The following ERGIC2 variants were observed in gnomAD, a reference collection of about 807,000 sequenced individuals.
ERGIC2 encodes endoplasmic reticulum-Golgi intermediate compartment protein 2.
In ERGIC2, 31 loss-of-function variants were observed where a neutral mutation model predicts 52.5. That is an observed-to-expected ratio of 0.59 (90% CI 0.44 to 0.80). The LOEUF is 0.80. Ranked by LOEUF, ERGIC2 falls within the 30% of genes least tolerant of loss-of-function variation. The pLI, the probability that ERGIC2 is intolerant of heterozygous loss-of-function variation, is 0.00. For missense variants in ERGIC2, 395 were observed against 455.2 expected (o/e 0.87, Z 1.20); for synonymous variants, 129 against 140.6 (o/e 0.92, Z 0.58).
At chr12:29,350,221 C>T (rs1940113267) in intron 8 of ERGIC2, among the ~76,000 whole-genome samples, 153 bp from the exon 9 acceptor site, 1 of 152,084 alleles carries the variant, frequency 6.6e-6, no homozygotes, top group Non-Finnish European at 1.5e-5. Flanking sequence ...GACAAGTCTA[C>T]TCATCTCAGC....
chr12:29,350,115 T>C (rs1940111693), intron 8 of ERGIC2, 47 bp from the exon 9 acceptor site: 1 of 1,093,008 alleles, frequency 9.1e-7, no homozygotes, highest in Non-Finnish European at 1.4e-6. Flanking sequence ...TTTATATGTA[T>C]AATTAATTAA....
At chr12:29,356,268 C>A (rs778225076) in intron 8 of ERGIC2, 114 bp downstream of exon 8, 11 of 615,186 alleles carry the variant, frequency 1.8e-5, no homozygotes, top group Non-Finnish European at 2.7e-5. Context: ...GGTGATCCAC[C>A]CGCCTCAGCC....
intron 1 of ERGIC2, chr12:29,380,530 C>T (rs1940573689): frequency 6.6e-6 from 1 of 152,200 alleles, no homozygotes; most frequent in Non-Finnish European, 1.5e-5. Flanking sequence ...GACACGTTGC[C>T]TTCGGAAGGT....
chr12:29,359,078 A>T (rs992384025), intron 6 of ERGIC2, among the ~76,000 whole-genome samples: 1 of 152,104 alleles, frequency 6.6e-6, no homozygotes, highest in Non-Finnish European at 1.5e-5. Context: ...TTCTAGAAGT[A>T]AAGAACATTT....
intron 4 of ERGIC2, 99 bp from the exon 5 acceptor site, chr12:29,367,046 GCA>G: frequency 1.1e-5 from 3 of 269,850 alleles, no homozygotes; most frequent in Non-Finnish European, 1.9e-5. Flanking sequence ...AACTCACCAA[GCA>G]AAAAAAAAAA....
At chr12:29,365,393 G>A (rs1465609269) in intron 5 of ERGIC2, among the ~76,000 whole-genome samples, 3 of 151,994 alleles carry the variant, frequency 2.0e-5, no homozygotes, top group African/African-American at 7.2e-5. Context: ...TTTATAAGTG[G>A]GAGCTAAACG....
chr12:29,377,144 T>C (rs149063552), intron 1 of ERGIC2, among the ~76,000 whole-genome samples: 5 of 152,320 alleles, frequency 3.3e-5, no homozygotes, highest in Admixed American at 6.5e-5. Context: ...TTACACAAGA[T>C]TCCTTTGCCC....
chr12:29,345,724 G>A (rs976757544), intron 10 of ERGIC2, among the ~76,000 whole-genome samples, 184 bp from the exon 11 acceptor site: 7 of 152,056 alleles, frequency 4.6e-5, no homozygotes, highest in Non-Finnish European at 7.4e-5. Flanking sequence ...GAACAGTCTC[G>A]AACTTGAGTC....
At chr12:29,380,154 T>C (rs1220401944) in intron 1 of ERGIC2, among the ~76,000 whole-genome samples, 1 of 152,014 alleles carries the variant, frequency 6.6e-6, no homozygotes, top group African/African-American at 2.4e-5. Context: ...TGTTTTCCAC[T>C]AGAACTGGCA....
chr12:29,349,245 T>C, intron 9 of ERGIC2, 68 bp from the exon 10 acceptor site: 5 of 682,244 alleles, frequency 7.3e-6, no homozygotes, highest in Non-Finnish European at 1.2e-5. Flanking sequence ...TGGTACAGAC[T>C]GGTTTACATC....
At chr12:29,358,761 A>G (rs1940243487) in intron 6 of ERGIC2, among the ~76,000 whole-genome samples, 1 of 152,158 alleles carries the variant, frequency 6.6e-6, no homozygotes, top group Non-Finnish European at 1.5e-5. Context: ...TGAATCTCAT[A>G]ATACTTTACC....
intron 5 of ERGIC2, among the ~76,000 whole-genome samples, chr12:29,362,270 T>A (rs1269398923): frequency 6.6e-6 from 1 of 152,104 alleles, no homozygotes; most frequent in Non-Finnish European, 1.5e-5. Context: ...CACAATTTAA[T>A]TTTGCAACAA....
chr12:29,379,851 A>G (rs914109527), intron 1 of ERGIC2, among the ~76,000 whole-genome samples: 1 of 141,398 alleles, frequency 7.1e-6, no homozygotes, highest in Non-Finnish European at 1.5e-5. Flanking sequence ...TCTGGTAAAG[A>G]AAAAAAAAAT....
chr12:29,364,817 A>G (rs1400988660), intron 5 of ERGIC2, among the ~76,000 whole-genome samples: 1 of 152,100 alleles, frequency 6.6e-6, no homozygotes, highest in Non-Finnish European at 1.5e-5. Context: ...CACACTTCTC[A>G]AAAGATATAC....
intron 10 of ERGIC2, among the ~76,000 whole-genome samples, chr12:29,347,834 C>T (rs371729949): frequency 2.6e-5 from 4 of 152,078 alleles, no homozygotes; most frequent in East Asian, 1.9e-4. Context: ...ACTCACCTAA[C>T]GGCATTTCAG....
At chr12:29,362,332 T>C (rs1000807551) in intron 5 of ERGIC2, among the ~76,000 whole-genome samples, 1 of 152,108 alleles carries the variant, frequency 6.6e-6, no homozygotes, top group African/African-American at 2.4e-5. Flanking sequence ...TTCTAACACT[T>C]TGGGAGGCCA....
intron 6 of ERGIC2, among the ~76,000 whole-genome samples, chr12:29,358,997 T>C (rs1023672156): frequency 4.6e-5 from 7 of 152,130 alleles, no homozygotes; most frequent in East Asian, 1.9e-4. Context: ...GAGAGATTAA[T>C]TGTGATCCTA....
At chr12:29,370,541 G>A (rs1940427129) in intron 2 of ERGIC2, among the ~76,000 whole-genome samples, 1 of 151,920 alleles carries the variant, frequency 6.6e-6, no homozygotes, top group African/African-American at 2.4e-5. Context: ...ATATAAAACA[G>A]TGTCACAGAT....
At chr12:29,363,087 C>A (rs1940308624) in intron 5 of ERGIC2, among the ~76,000 whole-genome samples, 1 of 152,134 alleles carries the variant, frequency 6.6e-6, no homozygotes, top group Non-Finnish European at 1.5e-5. Flanking sequence ...ATTTTTTACT[C>A]CTCTTCCCTT....
Sources: allele counts gnomAD v4.1 joint callset (sites outside exome capture counted in the v4.1 genomes callset), GRCh38; gene constraint gnomAD v4.1.1; transcripts MANE v1.5; gene names NCBI Gene and HGNC (gene_info 2026-07-23, HGNC 2026-07-21).